Variants in PCDHGA4 observed in about 807,000 individuals in gnomAD.
PCDHGA4 encodes protocadherin gamma-A4.
In PCDHGA4, 38 loss-of-function variants were observed where a neutral mutation model predicts 54.6. The ratio of observed to expected loss-of-function variants is 0.70; its 90% CI spans 0.54 to 0.91. The LOEUF (loss-of-function observed/expected upper bound fraction) is 0.91. Among genes scored for constraint, PCDHGA4 ranks in the 40% least tolerant of loss-of-function variants. The pLI, the probability that PCDHGA4 is intolerant of heterozygous loss-of-function variation, is 0.00. For synonymous variants in PCDHGA4, 511 were observed against 512.9 expected (o/e 1.00, Z 0.05); for missense variants, 1,298 against 1,220.9 (o/e 1.06, Z -0.94).
chr5:141,432,133 C>T lies in PCDHGA4; in HGVS notation c.2515-62674C>T, dbSNP rs1468632362. The stretch of plus-strand genomic sequence containing the variant: ...CGGTCTTCCCTCAGGCCTCCTATTC[C>T]GCTTATATCCCAGAGAACAATCCCA... On this transcript the variant is annotated intron_variant, in intron 1 of 3. Transcript: ENST00000571252. This position sits in a 1 kb window ranked among gnomAD's most constrained non-coding sequence, Gnocchi z 6.0. 9 of 1,614,142 alleles carry T rather than the reference C, an allele frequency of 5.6e-6. No homozygotes were observed. The highest frequency in any genetic ancestry group is 1.6e-4 in the Middle Eastern group (1 of 6,062).
chr5:141,489,942 C>T lies in PCDHGA4; in HGVS notation c.2515-4865C>T. On this transcript the variant is annotated intron_variant, in intron 1 of 3. Transcript: ENST00000571252. The surrounding 1 kb of genome is among the most constrained non-coding windows in gnomAD (Gnocchi z 4.5). ...CCCTTATCTCTGTCATCGTGCTGGA[C>T]ATCAATGATAATGCTCCAACCTTCC... 2 of 1,614,170 alleles carry T rather than the reference C, an allele frequency of 1.2e-6. No homozygotes were observed. The highest frequency in any genetic ancestry group is 1.7e-6 in the Non-Finnish European group (2 of 1,179,984).
chr5:141,430,686 C>G, intron 1 of PCDHGA4: 1 of 1,397,218 alleles, frequency 7.2e-7, no homozygotes, highest in Non-Finnish European at 9.5e-7. Context: ...CTGTCCCATT[C>G]TATGGGCGAA....
intron 1 of PCDHGA4, chr5:141,399,149 C>A: frequency 6.2e-7 from 1 of 1,613,772 alleles, no homozygotes; most frequent in Non-Finnish European, 8.5e-7. Flanking sequence ...GACAATAGCC[C>A]AGAAGTTACA....
intron 1 of PCDHGA4, chr5:141,433,110 G>T (rs1031253372): frequency 1.2e-6 from 2 of 1,614,098 alleles, no homozygotes; most frequent in East Asian, 4.5e-5. Context: ...AGCCAGGAGA[G>T]CTTTGAAAAA....
At chr5:141,385,023 C>T in intron 1 of PCDHGA4, 1 of 1,614,170 alleles carries the variant, frequency 6.2e-7, no homozygotes, top group East Asian at 2.2e-5. Flanking sequence ...TAGCCTTCGT[C>T]CTCGTACTGC....
At chr5:141,414,137 T>C in intron 1 of PCDHGA4, 1 of 1,595,618 alleles carries the variant, frequency 6.3e-7, no homozygotes, top group South Asian at 1.1e-5. Context: ...TTCTATGAAA[T>C]AGAAATACAA....
chr5:141,426,565 T>G, intron 1 of PCDHGA4: 1 of 351,600 alleles, frequency 2.8e-6, no homozygotes, highest in Non-Finnish European at 5.7e-6. Flanking sequence ...AGATCGAGAG[T>G]CACTGTCTTC....
rs766042374 is a variant in PCDHGA4 at position 141,418,520 on chromosome 5, C to A, written c.2514+60899C>A. ...GACCGCCTTAGATGGTGGGGACCCTCCCCGAAGCGGTACTGCTCAGATAAG... is the reference window on the plus strand; with the variant it reads ...GACCGCCTTAGATGGTGGGGACCCTACCCGAAGCGGTACTGCTCAGATAAG... On this transcript the variant is annotated intron_variant, in intron 1 of 3. Transcript: ENST00000571252. 6 of 1,613,818 alleles carry A rather than the reference C, an allele frequency of 3.7e-6. No individual in the cohort carries two copies. The highest frequency in any genetic ancestry group is 5.1e-6 in the Non-Finnish European group (6 of 1,179,890).
intron 1 of PCDHGA4, among the ~76,000 whole-genome samples, chr5:141,443,679 A>G (rs1158105871): frequency 6.6e-6 from 1 of 152,268 alleles, no homozygotes; most frequent in African/African-American, 2.4e-5. Flanking sequence ...AGTAGTTTAC[A>G]AACACTTCAA....
chr5:141,487,181 C>T lies in PCDHGA4; in HGVS notation c.2515-7626C>T. 3 of 1,612,732 alleles carry T rather than the reference C, an allele frequency of 1.9e-6. No individual in the cohort carries two copies. The highest frequency in any genetic ancestry group is 1.1e-5 in the South Asian group (1 of 91,060). ...CTTAGTGTCCTTAGAGGAAGACACT[C>T]ATCCAGTTGTCCCAGATCTTCGAGA... On this transcript the variant is annotated intron_variant, in intron 1 of 3. Transcript: ENST00000571252. This position sits in a 1 kb window ranked among gnomAD's most constrained non-coding sequence, Gnocchi z 5.0.
chr5:141,381,826 CTTTT>C (rs770630741), intron 1 of PCDHGA4, among the ~76,000 whole-genome samples: 27 of 74,296 alleles, frequency 3.6e-4, no homozygotes, highest in Middle Eastern at 8.1e-3. Context: ...CTTTCTTCTT[CTTTT>C]TTTTTTTTTT....
At chr5:141,388,611 A>T (rs773007125) in intron 1 of PCDHGA4, 13 of 1,613,850 alleles carry the variant, frequency 8.1e-6, no homozygotes, top group Non-Finnish European at 6.8e-6. Context: ...TCCAGTGTTC[A>T]GTCAAGACGT....
intron 1 of PCDHGA4, chr5:141,370,499 C>T (rs552448276): frequency 2.5e-6 from 4 of 1,613,946 alleles, no homozygotes; most frequent in Non-Finnish European, 3.4e-6. Flanking sequence ...CGATCCGCTA[C>T]GCTATTCCCG....
At chr5:141,468,652 G>A (rs1206892693) in intron 1 of PCDHGA4, 2 of 149,062 alleles carry the variant, frequency 1.3e-5, no homozygotes, top group African/African-American at 2.5e-5. Context: ...GGATCACAAG[G>A]TCAGGAGATC....
intron 1 of PCDHGA4, 62 bp from the exon 2 acceptor site, chr5:141,494,745 G>T: frequency 1.2e-6 from 2 of 1,612,802 alleles, no homozygotes; most frequent in African/African-American, 1.3e-5. Context: ...ATCCCTAGGG[G>T]CTCGGGTGAC....
chr5:141,412,301 T>C (rs925243467), intron 1 of PCDHGA4: 3 of 152,260 alleles, frequency 2.0e-5, no homozygotes, highest in Non-Finnish European at 2.9e-5. Context: ...TCTTTTCTCA[T>C]TACAATGCAA....
At position 141,357,079 on chromosome 5, in the gene PCDHGA4, C is replaced by G; in HGVS notation, c.1972C>G (p.Arg658Gly). Residue 658 changes from arginine (R) to glycine (G), a missense_variant, in exon 1 of 4, where the codon CGC becomes GGC. By Grantham distance (125) the Arg-to-Gly change is moderately radical. Coordinates refer to ENST00000571252, the MANE Select transcript of PCDHGA4 (RefSeq NM_018917.4). ...AGTGGGGCTGCACACAGGCGAGGTG[C>G]GCACCGCACGGGCCCTGCTGGACAG... ...FAVGLHTGEVRTARALLDRDA... is the reference protein window; with the variant it reads ...FAVGLHTGEVGTARALLDRDA... 6 of 1,613,938 alleles carry G rather than the reference C, an allele frequency of 3.7e-6. No homozygotes were observed. Among genetic ancestry groups the G allele is most frequent in the Non-Finnish European group, 5.1e-6 (6 of 1,179,956 alleles).
chr5:141,378,647 G>A lies in PCDHGA4; in HGVS notation c.2514+21026G>A, dbSNP rs576972610. On this transcript the variant is annotated intron_variant, in intron 1 of 3. Coordinates refer to ENST00000571252, the MANE Select transcript of PCDHGA4 (RefSeq NM_018917.4). Reference sequence around the variant, plus strand: ...CTGACTGGTGAATGGGAGAACAAATGTTAATGAGGTTCAAATAAAAATTTA... The same window carrying A: ...CTGACTGGTGAATGGGAGAACAAATATTAATGAGGTTCAAATAAAAATTTA... 11 of 152,304 alleles carry A rather than the reference G, an allele frequency of 7.2e-5. No homozygotes were observed. The East Asian group carries it at 1.9e-3, about 27-fold the overall frequency. 9.4% of individuals were successfully genotyped at this position (152,304 alleles called of 1,614,324 possible).
At chr5:141,509,275 G>A (rs185255724) in intron 3 of PCDHGA4, among the ~76,000 whole-genome samples, 1 of 152,096 alleles carries the variant, frequency 6.6e-6, no homozygotes, top group East Asian at 1.9e-4. Flanking sequence ...CTCGCTACCC[G>A]CTCCCAGGGT....
Sources: gnomAD v4.1 joint callset for allele counts (sites outside exome capture counted in the v4.1 genomes callset) on GRCh38, gnomAD v4.1.1 for gene constraint, Gnocchi (gnomAD v3.1) non-coding constraint, MANE v1.5 for transcripts, NCBI Gene and HGNC (gene_info 2026-07-23, HGNC 2026-07-21) for gene names.